GALNT12: variants seen among roughly 807,000 people sequenced by gnomAD.
The protein encoded by GALNT12 is polypeptide N-acetylgalactosaminyltransferase 12, also known as UDP-GalNAc:polypeptide N-acetylgalactosaminyltransferase 12.
In GALNT12, 45 loss-of-function variants were observed where a neutral mutation model predicts 55.5. That is an observed-to-expected ratio of 0.81 (90% CI 0.64 to 1.04). The LOEUF (loss-of-function observed/expected upper bound fraction) is 1.04, where lower values mean the gene tolerates loss of function less well. GALNT12 is among the 50% of genes least tolerant of loss of function. The pLI, the probability that GALNT12 is intolerant of heterozygous loss-of-function variation, is 0.00. For synonymous variants in GALNT12, 304 were observed against 312.2 expected (o/e 0.97, Z 0.28); for missense variants, 709 against 754.8 (o/e 0.94, Z 0.71).
intron 7 of GALNT12, among the ~76,000 whole-genome samples, chr9:98,843,269 A>T (rs149362342): frequency 1.4e-4 from 22 of 152,358 alleles, no homozygotes; most frequent in Non-Finnish European, 2.5e-4. Flanking sequence ...AAGATAATTA[A>T]TACAGTACTA....
intron 9 of GALNT12, among the ~76,000 whole-genome samples, chr9:98,848,587 G>A (rs1564265249): frequency 2.0e-5 from 3 of 152,240 alleles, no homozygotes; most frequent in Admixed American, 1.3e-4. Context: ...ATACCTAAGA[G>A]AAAGAGATCA....
At chr9:98,815,941 T>A (rs1430616165) in intron 1 of GALNT12, among the ~76,000 whole-genome samples, 1 of 152,212 alleles carries the variant, frequency 6.6e-6, no homozygotes, top group Non-Finnish European at 1.5e-5. Context: ...TCATTAAATA[T>A]TCTCTAAAAA....
At position 98,849,709 on chromosome 9, in the gene GALNT12, T is replaced by C. The variant is rs762064104; in HGVS notation, c.*617T>C. On this transcript the variant is annotated 3_prime_UTR_variant, in exon 10 of 10. Transcript: ENST00000375011. Reference sequence around the variant, plus strand: ...AATGTTCATGTCAGCCAAAGAGGACTAACCAAAGCTGAAATCTCAGAGAAC... The same window carrying C: ...AATGTTCATGTCAGCCAAAGAGGACCAACCAAAGCTGAAATCTCAGAGAAC... 6.2e-5 allele frequency: 25 copies of C among 400,196 alleles called. No individual in the cohort carries two copies. Among genetic ancestry groups the C allele is most frequent in the Middle Eastern group, 1.3e-3 (2 of 1,582 alleles). 24.8% of individuals were successfully genotyped at this position (400,196 alleles called of 1,614,324 possible). A position where few individuals can be genotyped will look rare whatever the true frequency, so the allele number is the denominator to read the frequency against.
chr9:98,815,201 G>A (rs1835583889), intron 1 of GALNT12, among the ~76,000 whole-genome samples: 4 of 152,214 alleles, frequency 2.6e-5, no homozygotes, highest in Admixed American at 2.6e-4. Context: ...TCCGATTTAA[G>A]ATCGTTTGAC....
chr9:98,845,221 T>C (rs1012100818), intron 8 of GALNT12, among the ~76,000 whole-genome samples: 1 of 152,136 alleles, frequency 6.6e-6, no homozygotes, highest in African/African-American at 2.4e-5. Context: ...TCCCAGACTC[T>C]TGTTTTAAGC....
intron 9 of GALNT12, among the ~76,000 whole-genome samples, chr9:98,846,909 T>G (rs1160466940): frequency 6.7e-6 from 1 of 150,178 alleles, no homozygotes; most frequent in African/African-American, 2.4e-5. Flanking sequence ...TTACTGAGGA[T>G]TAGATGCATA....
rs1395232538 is a variant in GALNT12 at position 98,849,757 on chromosome 9, C to G, written c.*665C>G. The G allele has an allele frequency of 2.5e-6, 1 of 396,698 alleles. No homozygotes were observed. Among genetic ancestry groups the G allele is most frequent in the Non-Finnish European group, 4.4e-6 (1 of 225,676 alleles). The allele number at this position is 396,698 out of a possible 1,614,324, so 24.6% of individuals were successfully genotyped here. A position where few individuals can be genotyped will look rare whatever the true frequency, so the allele number is the denominator to read the frequency against. On this transcript the variant is annotated 3_prime_UTR_variant, in exon 10 of 10. Coordinates refer to ENST00000375011, the MANE Select transcript of GALNT12 (RefSeq NM_024642.5). ...AACAATTTGCTTTACTAAGCTGAGT[C>G]AACTTGAGAGCGAACTTCTAACAAT... is the stretch of plus-strand genomic sequence containing the variant.
chr9:98,830,759 A>G (rs893479982), intron 3 of GALNT12, among the ~76,000 whole-genome samples: 2 of 152,218 alleles, frequency 1.3e-5, no homozygotes, highest in African/African-American at 4.8e-5. Flanking sequence ...ACCCTGTCTC[A>G]CGCAACCTGT....
rs977111337 is a variant in GALNT12 at position 98,849,857 on chromosome 9, C to T, written c.*765C>T. On this transcript the variant is annotated 3_prime_UTR_variant, in exon 10 of 10. Transcript: ENST00000375011. ...TATATCATTTTTAATTTTTATGATA[C>T]GGTAGTGTCAGGGAGAAATGTAATG... is the stretch of plus-strand genomic sequence containing the variant. The T allele has an allele frequency of 1.5e-4, 49 of 319,764 alleles. No individual in the cohort carries two copies. In the South Asian group the frequency reaches 1.7e-3, roughly 11 times the overall value. 19.8% of individuals were successfully genotyped at this position (319,764 alleles called of 1,614,324 possible). A position where few individuals can be genotyped will look rare whatever the true frequency, so the allele number is the denominator to read the frequency against.
At chr9:98,811,608 T>C (rs957370372) in intron 1 of GALNT12, among the ~76,000 whole-genome samples, 5 of 152,138 alleles carry the variant, frequency 3.3e-5, no homozygotes, top group African/African-American at 1.2e-4. Flanking sequence ...TTGTTAATAC[T>C]ATAATTGCAG....
At chr9:98,835,654 T>A (rs1481989983) in intron 5 of GALNT12, among the ~76,000 whole-genome samples, 1 of 152,232 alleles carries the variant, frequency 6.6e-6, no homozygotes, top group Non-Finnish European at 1.5e-5. Flanking sequence ...TCCTGTCTTC[T>A]GGAGCCTTTA....
chr9:98,829,501 A>G (rs1000366069), intron 3 of GALNT12, among the ~76,000 whole-genome samples: 1 of 151,252 alleles, frequency 6.6e-6, no homozygotes, highest in African/African-American at 2.5e-5. Context: ...TTATTTTTAA[A>G]TGTACAATTA....
At chr9:98,844,934 C>G (rs145443314) in intron 8 of GALNT12, among the ~76,000 whole-genome samples, 4 of 152,140 alleles carry the variant, frequency 2.6e-5, no homozygotes, top group African/African-American at 9.6e-5. Flanking sequence ...GAAGCTTCAC[C>G]GTACCAAGGA....
rs555566562 is a variant in GALNT12 at position 98,808,376 on chromosome 9, C to T, written c.371+307C>T. Among the ~76,000 whole-genome samples the T allele has an allele frequency of 8.5e-4, 130 of 152,262 alleles. 2 individuals are homozygous for T. Among genetic ancestry groups the T allele is most frequent in the African/African-American group, 2.4e-3 (98 of 41,564 alleles). ...CAGGGCTAAGCAGAAGGGTTTAAGG[C>T]GAGGACCCCCCAGCACCCAAAGGAC... is the stretch of plus-strand genomic sequence containing the variant. On this transcript the variant is annotated intron_variant, in intron 1 of 9. Transcript: ENST00000375011.
In GALNT12 at chr9:98,849,343, C is replaced by A; in HGVS notation, c.*251C>A. On this transcript the variant is annotated 3_prime_UTR_variant, in exon 10 of 10. Coordinates refer to ENST00000375011, the MANE Select transcript of GALNT12 (RefSeq NM_024642.5). ...CAAAGGGTAATCGTAAGATGTTAAC[C>A]CTTGGTATTTAGAAAATTAAAACCT... The A allele has an allele frequency of 3.4e-6, 2 of 583,874 alleles. No homozygotes were observed. The highest frequency in any genetic ancestry group is 2.8e-5 in the East Asian group (1 of 35,966). 36.2% of individuals were successfully genotyped at this position (583,874 alleles called of 1,614,324 possible).
rs567244517 is a variant in GALNT12, at chr9:98,833,415, G to A, written c.917+1458G>A. Among the ~76,000 whole-genome samples, 5 of 152,286 alleles carry A rather than the reference G, an allele frequency of 3.3e-5. No individual in the cohort carries two copies. In the East Asian group the frequency reaches 5.8e-4, roughly 18 times the overall value. Reference sequence around the variant, plus strand: ...CAGAGATAAGGCTGGAGAGATGGGCGGGGCCAAGGGAAGGGGTTTGGACTT... The same window carrying A: ...CAGAGATAAGGCTGGAGAGATGGGCAGGGCCAAGGGAAGGGGTTTGGACTT... On this transcript the variant is annotated intron_variant, in intron 4 of 9. Transcript: ENST00000375011.
At chr9:98,819,188 G>T (rs987410304) in intron 1 of GALNT12, among the ~76,000 whole-genome samples, 1 of 152,248 alleles carries the variant, frequency 6.6e-6, no homozygotes, top group Non-Finnish European at 1.5e-5. Context: ...TGCATTTCAT[G>T]TGTGGTGGTT....
chr9:98,837,384 G>A (rs985475066), intron 6 of GALNT12, among the ~76,000 whole-genome samples: 1 of 152,170 alleles, frequency 6.6e-6, no homozygotes, highest in African/African-American at 2.4e-5. Flanking sequence ...CATGAAAACA[G>A]AGCCATTGTT....
chr9:98,841,075 A>G (rs1220980267), intron 7 of GALNT12, among the ~76,000 whole-genome samples: 1 of 152,208 alleles, frequency 6.6e-6, no homozygotes, highest in Non-Finnish European at 1.5e-5. Flanking sequence ...AACAAGGTGC[A>G]CACATTGCAT....
Sources: allele counts gnomAD v4.1 joint callset (sites outside exome capture counted in the v4.1 genomes callset), GRCh38; gene constraint gnomAD v4.1.1; transcripts MANE v1.5; gene names NCBI Gene and HGNC (gene_info 2026-07-23, HGNC 2026-07-21).